NBEAL2: variants seen among roughly 807,000 people sequenced by gnomAD.
The protein encoded by NBEAL2 is neurobeachin like 2, also known as neurobeachin-like protein 2.
NBEAL2 carries 160 observed loss-of-function variants against 299.8 expected under a neutral mutation model. That is an observed-to-expected ratio of 0.53 (90% CI 0.47 to 0.61). NBEAL2 has a LOEUF of 0.61. Ranked by LOEUF, NBEAL2 falls within the 20% of genes least tolerant of loss-of-function variation. NBEAL2 has a pLI of 0.00. For missense variants in NBEAL2, 3,112 were observed against 3,649.0 expected (o/e 0.85, Z 3.79); for synonymous variants, 1,493 against 1,542.3 (o/e 0.97, Z 0.75).
At chr3:47,006,590 G>A in intron 45 of NBEAL2, 141 bp downstream of exon 45, 5 of 843,322 alleles carry the variant, frequency 5.9e-6, no homozygotes, top group Non-Finnish European at 9.7e-6. Context: ...CTAAACATGG[G>A]AAGAGTATGG....
In NBEAL2 at chr3:46,999,924, G is replaced by A. The variant is rs1575609817; in HGVS notation, c.3825G>A (p.Val1275=). The change falls in exon 27 of 54, where the codon GTG becomes GTA. Residue 1275 remains valine (V), a synonymous_variant. Transcript: ENST00000450053. ...TCATCTACGGACAGCCAGATGTAGT[G>A]CGGCTTCTGGCCCGACAGGCTGGCT... is the stretch of plus-strand genomic sequence containing the variant. ...FHLIYGQPDV[V]RLLARQAGWQ... is the part of the protein sequence containing the mutation. 1 of 1,611,328 alleles carries A rather than the reference G, an allele frequency of 6.2e-7. No homozygotes were observed. The highest frequency in any genetic ancestry group is 8.5e-7 in the Non-Finnish European group (1 of 1,178,806).
chr3:47,008,026 T>A (rs759361330), intron 49 of NBEAL2, 44 bp from the exon 50 acceptor site: 1 of 1,602,104 alleles, frequency 6.2e-7, no homozygotes, highest in Non-Finnish European at 8.5e-7. Flanking sequence ...CTTCATTTCC[T>A]GAGCCTCAGG....
chr3:46,998,472 A>G lies in NBEAL2; in HGVS notation c.3128A>G (p.Gln1043Arg). 1.2e-6 allele frequency: 2 copies of G among 1,612,880 alleles called. No homozygotes were observed. Among genetic ancestry groups the G allele is most frequent in the Non-Finnish European group, 1.7e-6 (2 of 1,179,604 alleles). The change falls in exon 22 of 54, where the codon CAG (glutamine) becomes CGG (arginine). Residue 1043 changes from glutamine (Q) to arginine (R), a missense_variant. By Grantham distance (43) the Gln-to-Arg change is conservative. Around this residue, in one of 3 missense-constraint regions of NBEAL2, gnomAD observed 2,243 missense variants for 2,538.1 expected, o/e 0.88. Transcript: ENST00000450053. ...SDFAVRLGHI[Q>R]YMSSIVREHR... Reference sequence around the variant, plus strand: ...GCTCATTCCCGCTCAGGTCACATCCAGTACATGTCCAGCATAGTTCGGGAG... The same window carrying G: ...GCTCATTCCCGCTCAGGTCACATCCGGTACATGTCCAGCATAGTTCGGGAG...
intron 10 of NBEAL2, among the ~76,000 whole-genome samples, chr3:46,993,524 C>A (rs2036259861): frequency 1.3e-5 from 2 of 152,182 alleles, no homozygotes; most frequent in African/African-American, 2.4e-5. Context: ...GATTGATTGT[C>A]CCTAAATCTC....
chr3:46,994,566 G>A lies in NBEAL2; in HGVS notation c.1296+13G>A. On this transcript the variant is annotated intron_variant, in intron 12 of 53. Coordinates refer to ENST00000450053, the MANE Select transcript of NBEAL2 (RefSeq NM_015175.3). ...GCTGCTCAACATGGTGAGGGAAGGG[G>A]CTTGGGACCAGGGTCCCAAAGGCAA... 2 of 1,563,764 alleles carry A rather than the reference G, an allele frequency of 1.3e-6. No homozygotes were observed. The highest frequency in any genetic ancestry group is 8.7e-7 in the Non-Finnish European group (1 of 1,152,510).
intron 1 of NBEAL2, among the ~76,000 whole-genome samples, chr3:46,984,853 C>T (rs769108953): frequency 6.6e-6 from 1 of 152,100 alleles, no homozygotes; most frequent in African/African-American, 2.4e-5. Flanking sequence ...TCAGGGAGCT[C>T]GGGCAGGCCA....
Position 46,997,496 on chromosome 3 carries a change from C to T in NBEAL2, c.2824+63C>T, listed in dbSNP as rs2036591759. 11 of 1,588,778 alleles carry T rather than the reference C, an allele frequency of 6.9e-6. No individual in the cohort carries two copies. In the South Asian group the frequency reaches 7.8e-5, roughly 11 times the overall value. On this transcript the variant is annotated intron_variant, in intron 19 of 53. Transcript: ENST00000450053. ...CTTGGCATGGTAGGGGGGTGGAATG[C>T]CCAAGGTCTCCTGGCCACTGGCAGG...
At chr3:47,008,801 T>G in intron 52 of NBEAL2, 133 bp downstream of exon 52, 8 of 1,459,462 alleles carry the variant, frequency 5.5e-6, no homozygotes, top group Non-Finnish European at 7.4e-6. Context: ...TCCCTTCATC[T>G]TCCCATGGGG....
chr3:46,999,144 G>A, intron 24 of NBEAL2, 27 bp downstream of exon 24: 2 of 1,552,868 alleles, frequency 1.3e-6, no homozygotes, highest in Non-Finnish European at 1.7e-6. Context: ...CCCTCCCCTG[G>A]CATCCCATTC....
chr3:47,002,338 T>A (rs369708013), intron 31 of NBEAL2, 33 bp from the exon 32 acceptor site: 52 of 1,608,496 alleles, frequency 3.2e-5, no homozygotes, highest in Non-Finnish European at 4.2e-5. Context: ...GGGGCCCACA[T>A]CGAGCACTGT....
Position 46,995,346 on chromosome 3 carries a change from G to C in NBEAL2, c.1611G>C (p.Leu537=), listed in dbSNP as rs1039798825. The change falls in exon 13 of 54, where the codon CTG becomes CTC. Residue 537 remains leucine, a synonymous_variant. Transcript: ENST00000450053. Reference sequence around the variant, plus strand: ...GGCCCATGGAGCTGCGTCACCTGCTGCGCCCCCGGCCAGGATTGGACTCGG... The same window carrying C: ...GGCCCATGGAGCTGCGTCACCTGCTCCGCCCCCGGCCAGGATTGGACTCGG... The part of the protein sequence containing the change: ...SIRPMELRHL[L]RPRPGLDSEP... 1.2e-6 allele frequency: 2 copies of C among 1,608,950 alleles called. No homozygotes were observed. Among genetic ancestry groups the C allele is most frequent in the Middle Eastern group, 1.6e-4 (1 of 6,076 alleles).
Position 47,000,554 on chromosome 3 carries a change from T to C in NBEAL2, c.4305+150T>C. The C allele has an allele frequency of 9.5e-7, 1 of 1,049,458 alleles. No homozygotes were observed. Among genetic ancestry groups the C allele is most frequent in the Non-Finnish European group, 1.4e-6 (1 of 736,282 alleles). The allele number at this position is 1,049,458 out of a possible 1,614,324, so 65.0% of individuals were successfully genotyped here. On this transcript the variant is annotated intron_variant, in intron 27 of 53. Transcript: ENST00000450053. The surrounding 1 kb of genome is among the most constrained non-coding windows in gnomAD (Gnocchi z 4.5). Reference sequence around the variant, plus strand: ...AGGCCTATTGCTGTCCCCTCATAGCTCTCATCTGCAGTTGTGTTCCCAGAG... The same window carrying C: ...AGGCCTATTGCTGTCCCCTCATAGCCCTCATCTGCAGTTGTGTTCCCAGAG...
chr3:46,997,608 C>A lies in NBEAL2; in HGVS notation c.2872C>A (p.Arg958=). 6.2e-7 allele frequency: 1 copy of A among 1,600,298 alleles called. No individual in the cohort carries two copies. The highest frequency in any genetic ancestry group is 8.5e-7 in the Non-Finnish European group (1 of 1,169,900). Residue 958 remains arginine (R), a synonymous_variant, in exon 20 of 54, where the codon CGG becomes AGG. Transcript: ENST00000450053. ...NAVAAFLLML[R]NFLQGHMVNQ... is the part of the protein sequence containing the mutation. ...AGTGGCTGCTTTTCTGCTGATGCTGCGGAACTTCCTTCAGGGTCACATGGT... is the reference window on the plus strand; with the variant it reads ...AGTGGCTGCTTTTCTGCTGATGCTGAGGAACTTCCTTCAGGGTCACATGGT...
chr3:47,000,543 C>T lies in NBEAL2; in HGVS notation c.4305+139C>T, dbSNP rs1425034614. On this transcript the variant is annotated intron_variant, in intron 27 of 53. Transcript: ENST00000450053. This position sits in a 1 kb window ranked among gnomAD's most constrained non-coding sequence, Gnocchi z 4.5. ...AGCCACTGGTCAGGCCTATTGCTGT[C>T]CCCTCATAGCTCTCATCTGCAGTTG... 2 of 1,103,556 alleles carry T rather than the reference C, an allele frequency of 1.8e-6. No individual in the cohort carries two copies. The highest frequency in any genetic ancestry group is 3.2e-5 in the African/African-American group (2 of 63,100). The allele number at this position is 1,103,556 out of a possible 1,614,324, so 68.4% of individuals were successfully genotyped here. A position where few individuals can be genotyped will look rare whatever the true frequency, so the allele number is the denominator to read the frequency against.
Position 47,009,099 on chromosome 3 carries a change from T to TGGTGGTC in NBEAL2, c.8140_8146dup (p.Ala2716GlyfsTer8). ...GGCCTGGAGGATGGCAAGCTCATCGTGGTGGTCGCGGGGCAGCCCTCTGAG... is the reference window on the plus strand; with the variant it reads ...GGCCTGGAGGATGGCAAGCTCATCGTGGTGGTCGGTGGTCGCGGGGCAGCCCTCTGAG... On this transcript the variant is annotated frameshift_variant, in exon 53 of 54. Coordinates refer to ENST00000450053, the MANE Select transcript of NBEAL2 (RefSeq NM_015175.3). LOFTEE classifies it high-confidence loss of function. The TGGTGGTC allele has an allele frequency of 6.6e-7, 1 of 1,519,126 alleles. No individual in the cohort carries two copies. The highest frequency in any genetic ancestry group is 1.4e-5 in the African/African-American group (1 of 70,732). The allele number at this position is 1,519,126 out of a possible 1,614,324, so 94.1% of individuals were successfully genotyped here.
At position 47,005,796 on chromosome 3, in the gene NBEAL2, C is replaced by G; in HGVS notation, c.6750C>G (p.Pro2250=). 2 of 1,613,362 alleles carry G rather than the reference C, an allele frequency of 1.2e-6. No homozygotes were observed. The highest frequency in any genetic ancestry group is 1.7e-6 in the Non-Finnish European group (2 of 1,179,874). The change falls in exon 42 of 54, where the codon CCC becomes CCG. Residue 2250 remains proline (P), a synonymous_variant. Transcript: ENST00000450053. ...AGAAGGTAGGCGATGTGGTGCTACC[C>G]CCGTGGGCCAGCTCTCCTGAGGACT... is the stretch of plus-strand genomic sequence containing the variant. ...TNEKVGDVVL[P]PWASSPEDFI...
chr3:46,998,049 G>C lies in NBEAL2; in HGVS notation c.2959-18G>C. The C allele has an allele frequency of 6.4e-7, 1 of 1,553,442 alleles. No homozygotes were observed. Among genetic ancestry groups the C allele is most frequent in the Non-Finnish European group, 8.7e-7 (1 of 1,148,186 alleles). On this transcript the variant is annotated intron_variant, in intron 20 of 53. Transcript: ENST00000450053. ...AGGCAGAGCCTGAGCCCTCACTCCA[G>C]CTCCTGTCTTATCCCAGGTCCCAAG...
Position 46,995,146 on chromosome 3 carries a change from C to G in NBEAL2, c.1411C>G (p.Leu471Val). Residue 471 changes from leucine to valine, a missense_variant, in exon 13 of 54, where the codon CTA becomes GTA. Leu to Val is a conservative substitution (Grantham distance 32, BLOSUM62 1). This residue lies in a region of NBEAL2 where 2,243 missense variants were observed against 2,538.1 expected (regional missense o/e 0.88). Coordinates refer to ENST00000450053, the MANE Select transcript of NBEAL2 (RefSeq NM_015175.3). ...GCCCACCGCTGAGCTGCGGCTCTTCCTAGCGCAACGCCTCAGGTGGCTCTG... is the reference window on the plus strand; with the variant it reads ...GCCCACCGCTGAGCTGCGGCTCTTCGTAGCGCAACGCCTCAGGTGGCTCTG... Reference protein sequence around the residue: ...SLPTAELRLFLAQRLRWLCDS... With the variant: ...SLPTAELRLFVAQRLRWLCDS... 6.4e-7 allele frequency: 1 copy of G among 1,574,800 alleles called. No homozygotes were observed. Among genetic ancestry groups the G allele is most frequent in the Non-Finnish European group, 8.6e-7 (1 of 1,160,618 alleles).
chr3:46,992,397 T>G, intron 9 of NBEAL2, 78 bp from the exon 10 acceptor site: 2 of 1,368,986 alleles, frequency 1.5e-6, no homozygotes, highest in Non-Finnish European at 2.0e-6. Context: ...CCCCTGGTCC[T>G]GCTCTAACCC....
Sources: gnomAD v4.1 joint callset for allele counts (sites outside exome capture counted in the v4.1 genomes callset) on GRCh38, gnomAD v4.1.1 for gene constraint, gnomAD v4.1.1 regional missense constraint, Gnocchi (gnomAD v3.1) non-coding constraint, MANE v1.5 for transcripts, NCBI Gene and HGNC (gene_info 2026-07-23, HGNC 2026-07-21) for gene names.